Variants in YTHDF3 observed in about 807,000 individuals in gnomAD.
YTHDF3 encodes YTH N6-methyladenosine RNA binding protein F3, also known as YTH domain-containing family protein 3.
Under a neutral mutation model 52.5 loss-of-function variants are expected in YTHDF3, and 9 were observed. The observed-to-expected ratio is 0.17, with a 90% CI of 0.10 to 0.30. The LOEUF (loss-of-function observed/expected upper bound fraction) is 0.30, where lower values mean the gene tolerates loss of function less well. YTHDF3 is among the 10% of genes least tolerant of loss of function. The pLI, the probability that YTHDF3 is intolerant of heterozygous loss-of-function variation, is 1.00. For synonymous variants in YTHDF3, 274 were observed against 243.3 expected, an observed-to-expected ratio of 1.13 and a Z score of -1.18; for missense variants, 534 against 715.0, an observed-to-expected ratio of 0.75 and a Z score of 2.89.
chr8:63,185,768 A>C (rs1264708318), intron 3 of YTHDF3, among the ~76,000 whole-genome samples: 1 of 152,248 alleles, frequency 6.6e-6, no homozygotes, highest in African/African-American at 2.4e-5. Context: ...ACATCAATTG[A>C]TTAAAGTACA....
intron 4 of YTHDF3, among the ~76,000 whole-genome samples, chr8:63,199,284 G>T (rs1464528037): frequency 1.3e-5 from 2 of 151,988 alleles, no homozygotes; most frequent in Admixed American, 1.3e-4. Context: ...GTCATTTCTT[G>T]GTATATACAG....
At chr8:63,190,743 G>A (rs1808861461) in intron 4 of YTHDF3, among the ~76,000 whole-genome samples, 1 of 152,042 alleles carries the variant, frequency 6.6e-6, no homozygotes, top group Non-Finnish European at 1.5e-5. Context: ...TCCTTTTTCT[G>A]TCTATAAAAC....
intron 2 of YTHDF3, 187 bp downstream of exon 2, chr8:63,169,598 CTT>C: frequency 1.6e-6 from 1 of 631,602 alleles, no homozygotes; most frequent in Non-Finnish European, 2.8e-6. Flanking sequence ...TTTGAAGCCA[CTT>C]TATAGAAACC....
Position 63,168,843 on chromosome 8 carries a change from CG to C in YTHDF3, c.-33del. 9.0e-6 allele frequency: 14 copies of C among 1,547,114 alleles called. No homozygotes were observed. Among genetic ancestry groups the C allele is most frequent in the Non-Finnish European group, 1.2e-5 (14 of 1,145,258 alleles). On this transcript the variant is annotated 5_prime_UTR_variant, in exon 1 of 5. Transcript: ENST00000539294. ...AGTGCACGGGGAGAGGCCCAGGCAGCGGCGGCGGCGGCGGCTCTCGGGTTGC... is the reference window on the plus strand; with the variant it reads ...AGTGCACGGGGAGAGGCCCAGGCAGCGCGGCGGCGGCGGCTCTCGGGTTGC...
At chr8:63,169,124 C>T in intron 1 of YTHDF3, 1 of 1,418,480 alleles carries the variant, frequency 7.0e-7, no homozygotes, top group East Asian at 2.6e-5. Flanking sequence ...AAGGACCGGT[C>T]TTAGGGGCCT....
intron 3 of YTHDF3, among the ~76,000 whole-genome samples, chr8:63,176,079 A>G (rs1458184757): frequency 2.6e-5 from 4 of 152,330 alleles, no homozygotes; most frequent in African/African-American, 4.8e-5. Flanking sequence ...GAACAATGCT[A>G]TTAGGTATCT....
chr8:63,192,178 A>T (rs1808955837), intron 4 of YTHDF3, among the ~76,000 whole-genome samples: 2 of 151,966 alleles, frequency 1.3e-5, no homozygotes, highest in Non-Finnish European at 2.9e-5. Flanking sequence ...CCTGACAGCC[A>T]CTCATCTGGA....
intron 2 of YTHDF3, chr8:63,172,944 TTTTC>T (rs1585737181): frequency 1.5e-6 from 1 of 678,634 alleles, no homozygotes; most frequent in East Asian, 3.5e-5. Context: ...TTTAAGATAG[TTTTC>T]TTTAAGATAC....
intron 3 of YTHDF3, among the ~76,000 whole-genome samples, chr8:63,180,654 A>T (rs959569437): frequency 6.6e-6 from 1 of 152,224 alleles, no homozygotes; most frequent in Admixed American, 6.5e-5. Context: ...GCGAGCCGAG[A>T]TCACGCCACT....
At chr8:63,191,259 T>G (rs1057142345) in intron 4 of YTHDF3, among the ~76,000 whole-genome samples, 1 of 152,216 alleles carries the variant, frequency 6.6e-6, no homozygotes, top group South Asian at 2.1e-4. Flanking sequence ...GCAGGCCACT[T>G]TTTTCTATTA....
intron 3 of YTHDF3, among the ~76,000 whole-genome samples, chr8:63,176,674 G>T (rs1763013118): frequency 6.8e-6 from 1 of 146,276 alleles, no homozygotes; most frequent in African/African-American, 2.5e-5. Flanking sequence ...TAGAAACTCA[G>T]TTTTTTTTTT....
At chr8:63,205,612 T>C (rs1036222448) in intron 4 of YTHDF3, among the ~76,000 whole-genome samples, 1 of 152,012 alleles carries the variant, frequency 6.6e-6, no homozygotes, top group Non-Finnish European at 1.5e-5. Context: ...TTTTGTATTT[T>C]TAATAAAGAC....
At chr8:63,170,689 T>G (rs1460749262) in intron 2 of YTHDF3, among the ~76,000 whole-genome samples, 1 of 152,156 alleles carries the variant, frequency 6.6e-6, no homozygotes, top group South Asian at 2.1e-4. Flanking sequence ...TATGTAGACT[T>G]GGAGATTGTG....
intron 4 of YTHDF3, among the ~76,000 whole-genome samples, chr8:63,203,205 C>T (rs1320573397): frequency 2.7e-5 from 4 of 150,296 alleles, no homozygotes; most frequent in Non-Finnish European, 5.9e-5. Flanking sequence ...ATTGTGCCAC[C>T]GCACTCCAGC....
intron 3 of YTHDF3, among the ~76,000 whole-genome samples, chr8:63,179,973 G>T (rs1314789941): frequency 2.0e-5 from 3 of 150,332 alleles, no homozygotes; most frequent in Non-Finnish European, 3.0e-5. Context: ...CGGGCGGGGG[G>T]CTGATCCCCC....
intron 2 of YTHDF3, chr8:63,173,617 A>G (rs1807492326): frequency 1.0e-6 from 1 of 984,062 alleles, no homozygotes; most frequent in Admixed American, 6.2e-5. Context: ...TTTTTCAAGA[A>G]GTAATAGACC....
Position 63,208,217 on chromosome 8 carries a change from A to G in YTHDF3, c.1735-1466A>G, listed in dbSNP as rs182061527. 1.9e-3 allele frequency among the ~76,000 whole-genome samples: 282 copies of G among 152,264 alleles called. 5 individuals are homozygous for G. Among genetic ancestry groups the G allele is most frequent in the Non-Finnish European group, 4.0e-4 (27 of 68,012 alleles). On this transcript the variant is annotated intron_variant, in intron 4 of 4. Coordinates refer to ENST00000539294, the MANE Select transcript of YTHDF3 (RefSeq NM_152758.6). ...GACATTTCTTTTGTTAGCTTTATGT[A>G]TGAAATAATGCTCTTCAAGTTCCAG...
Position 63,199,392 on chromosome 8 carries a change from A to T in YTHDF3, c.1735-10291A>T, listed in dbSNP as rs576441002. Reference sequence around the variant, plus strand: ...TATAGGCATGTTTTACATCCCTTGAATACTGCATTTTTTTATCTCTTTCGT... The same window carrying T: ...TATAGGCATGTTTTACATCCCTTGATTACTGCATTTTTTTATCTCTTTCGT... On this transcript the variant is annotated intron_variant, in intron 4 of 4. Transcript: ENST00000539294. Among the ~76,000 whole-genome samples the T allele has an allele frequency of 2.8e-3, 433 of 152,268 alleles. 2 individuals are homozygous for T. Among genetic ancestry groups the T allele is most frequent in the African/African-American group, 9.6e-3 (400 of 41,566 alleles).
Position 63,175,364 on chromosome 8 carries a change from A to G in YTHDF3, c.83A>G (p.Asp28Gly). The change falls in exon 3 of 5, where the codon GAT becomes GGT. Residue 28 changes from aspartate (D) to glycine (G), a missense_variant. Coordinates refer to ENST00000539294, the MANE Select transcript of YTHDF3 (RefSeq NM_152758.6). ...CAAAACGGTTCGATTCATCAAAAAGATGCTGTAAATGATGATGATTTTGAG... is the reference window on the plus strand; with the variant it reads ...CAAAACGGTTCGATTCATCAAAAAGGTGCTGTAAATGATGATGATTTTGAG... The part of the protein sequence containing the change: ...SVQNGSIHQK[D>G]AVNDDDFEPY... The G allele has an allele frequency of 1.9e-6, 3 of 1,611,340 alleles. No homozygotes were observed. The highest frequency in any genetic ancestry group is 2.5e-6 in the Non-Finnish European group (3 of 1,178,464).
Sources: gnomAD v4.1 joint callset for allele counts (sites outside exome capture counted in the v4.1 genomes callset) on GRCh38, gnomAD v4.1.1 for gene constraint, MANE v1.5 for transcripts, NCBI Gene and HGNC (gene_info 2026-07-23, HGNC 2026-07-21) for gene names.